The following DYNLT2 variants were observed in gnomAD, a reference collection of about 807,000 sequenced individuals.
DYNLT2 encodes dynein light chain Tctex-type protein 2.
DYNLT2 carries 24 observed loss-of-function variants against 24.3 expected under a neutral mutation model. That is an observed-to-expected ratio of 0.99 (90% CI 0.71 to 1.39). The LOEUF is 1.39. Among genes scored for constraint, DYNLT2 ranks in the 40% most tolerant of loss-of-function variants. The pLI, the probability that DYNLT2 is intolerant of heterozygous loss-of-function variation, is 0.00. For missense variants in DYNLT2, 246 were observed against 234.5 expected (o/e 1.05, Z -0.32); for synonymous variants, 85 against 85.4 (o/e 1.00, Z 0.03).
chr6:169,740,234 G>A lies in DYNLT2; in HGVS notation c.548C>T (p.Ala183Val). 1 of 1,614,044 alleles carries A rather than the reference G, an allele frequency of 6.2e-7. No homozygotes were observed. The highest frequency in any genetic ancestry group is 8.5e-7 in the Non-Finnish European group (1 of 1,179,940). The part of the protein sequence containing the change: ...WDSWVAAKHE[A>V]ESYVALVLVF... ...CAAGACCAGTGCCACGTAGGATTCTGCTTCGTGTTTAGCTGCGACCCAGCT... is the reference window on the plus strand; with the variant it reads ...CAAGACCAGTGCCACGTAGGATTCTACTTCGTGTTTAGCTGCGACCCAGCT... Residue 183 changes from alanine to valine, a missense_variant, in exon 4 of 4, where the codon GCA becomes GTA. Ala to Val is a moderately conservative substitution (Grantham distance 64, BLOSUM62 0). Coordinates refer to ENST00000366774, the MANE Select transcript of DYNLT2 (RefSeq NM_174910.3).
chr6:169,749,261 C>T (rs1407435892), intron 1 of DYNLT2, among the ~76,000 whole-genome samples: 4 of 152,052 alleles, frequency 2.6e-5, no homozygotes, highest in Non-Finnish European at 5.9e-5. Flanking sequence ...CCACCAAGCC[C>T]GGCTAATTTT....
chr6:169,731,772 A>T, the DYNLT2 span, among the ~76,000 whole-genome samples: 1 of 152,248 alleles, frequency 6.6e-6, no homozygotes, highest in Non-Finnish European at 1.5e-5. Context: ...TCAAAAAATT[A>T]AAATCTATAG....
At chr6:169,741,873 AGTCTGTAT>A (rs1168090421) in intron 3 of DYNLT2, among the ~76,000 whole-genome samples, 9 of 152,014 alleles carry the variant, frequency 5.9e-5, no homozygotes, top group Non-Finnish European at 1.5e-5. Context: ...CTATTTCTTA[AGTCTGTAT>A]GTCATATGTG....
chr6:169,750,260 G>C (rs956144573), intron 1 of DYNLT2: 3 of 152,148 alleles, frequency 2.0e-5, no homozygotes, highest in African/African-American at 7.2e-5. Flanking sequence ...TACTGTTGGT[G>C]ACCTGTTACT....
chr6:169,734,713 T>C, the DYNLT2 span, among the ~76,000 whole-genome samples: 3 of 152,236 alleles, frequency 2.0e-5, no homozygotes, highest in Admixed American at 6.5e-5. Flanking sequence ...AATTTTCACA[T>C]TGATGTTCAT....
chr6:169,749,773 G>GTT (rs548184405), intron 1 of DYNLT2: 135 of 152,276 alleles, frequency 8.9e-4, no homozygotes, highest in African/African-American at 3.2e-3. Context: ...TTCTCTAAAA[G>GTT]TTAACTGAGG....
chr6:169,745,580 G>A (rs1389069657), intron 1 of DYNLT2, among the ~76,000 whole-genome samples: 1 of 152,032 alleles, frequency 6.6e-6, no homozygotes, highest in Non-Finnish European at 1.5e-5. Flanking sequence ...TACCTTGATC[G>A]ATTTTCATAT....
At chr6:169,739,932 C>G (rs923897886), downstream of DYNLT2, among the ~76,000 whole-genome samples, 1 of 152,046 alleles carries the variant, frequency 6.6e-6, no homozygotes, top group Non-Finnish European at 1.5e-5. Flanking sequence ...TATATACATA[C>G]ATATATACAC....
the DYNLT2 span, among the ~76,000 whole-genome samples, chr6:169,727,599 T>C: frequency 6.6e-6 from 1 of 152,030 alleles, no homozygotes; most frequent in Non-Finnish European, 1.5e-5. Context: ...AGACTCACTC[T>C]GTTGCCCAGG....
intron 1 of DYNLT2, among the ~76,000 whole-genome samples, chr6:169,748,802 A>G (rs957341457): frequency 6.6e-6 from 1 of 152,196 alleles, no homozygotes; most frequent in Non-Finnish European, 1.5e-5. Context: ...GAAAATAACC[A>G]TTAATGCTTC....
chr6:169,744,318 T>C, intron 1 of DYNLT2, 44 bp from the exon 2 acceptor site: 2 of 1,537,450 alleles, frequency 1.3e-6, no homozygotes, highest in Non-Finnish European at 1.8e-6. Flanking sequence ...GCAGAAAGAT[T>C]ACTTTTTAAA....
chr6:169,733,508 A>G, the DYNLT2 span, among the ~76,000 whole-genome samples: 2 of 152,176 alleles, frequency 1.3e-5, no homozygotes, highest in African/African-American at 2.4e-5. Context: ...GCATATGGCT[A>G]GCCAGTTTTC....
downstream of DYNLT2, among the ~76,000 whole-genome samples, chr6:169,737,012 C>A (rs995108461): frequency 6.6e-6 from 1 of 152,090 alleles, no homozygotes; most frequent in Non-Finnish European, 1.5e-5. Context: ...TTGTTCATTC[C>A]TTTTCATTCT....
chr6:169,746,719 C>T (rs535324063), intron 1 of DYNLT2, among the ~76,000 whole-genome samples: 22 of 152,136 alleles, frequency 1.4e-4, no homozygotes, highest in Admixed American at 2.6e-4. Context: ...ACATGATTCA[C>T]CAGGTAAAGA....
intron 1 of DYNLT2, among the ~76,000 whole-genome samples, chr6:169,744,737 A>G (rs2128335997): frequency 6.6e-6 from 1 of 152,276 alleles, no homozygotes; most frequent in South Asian, 2.1e-4. Flanking sequence ...TTATTTAGAT[A>G]GCACATTCGT....
chr6:169,739,960 T>A, downstream of DYNLT2, among the ~76,000 whole-genome samples: 1 of 152,178 alleles, frequency 6.6e-6, no homozygotes, highest in East Asian at 1.9e-4. Flanking sequence ...CACACATGCA[T>A]ACACCTTTTA....
At chr6:169,727,147 A>G in the DYNLT2 span, among the ~76,000 whole-genome samples, 1 of 152,242 alleles carries the variant, frequency 6.6e-6, no homozygotes, top group Admixed American at 6.5e-5. Context: ...AACTGTCTTG[A>G]CTGTTTCAAG....
the DYNLT2 span, among the ~76,000 whole-genome samples, chr6:169,727,133 A>G: frequency 1.2e-4 from 18 of 152,350 alleles, no homozygotes; most frequent in East Asian, 3.9e-4. Context: ...ACCTGGAGGT[A>G]ATTAACTGTC....
chr6:169,743,351 T>C (rs1378592442), intron 2 of DYNLT2, 113 bp from the exon 3 acceptor site: 2 of 459,708 alleles, frequency 4.4e-6, no homozygotes, highest in East Asian at 4.1e-5. Context: ...TTAAAATAAA[T>C]ATATTCCTAA....
Sources: allele counts gnomAD v4.1 joint callset (sites outside exome capture counted in the v4.1 genomes callset), GRCh38; gene constraint gnomAD v4.1.1; transcripts MANE v1.5; gene names NCBI Gene and HGNC (gene_info 2026-07-23, HGNC 2026-07-21).